Variants in ERG observed in about 807,000 individuals in gnomAD.
The protein encoded by ERG is ETS transcription factor ERG, also known as transcriptional regulator ERG.
Under a neutral mutation model 55.3 loss-of-function variants are expected in ERG, and 9 were observed. The ratio of observed to expected loss-of-function variants is 0.16; its 90% CI spans 0.10 to 0.28. ERG has a LOEUF of 0.28. ERG is among the 10% of genes least tolerant of loss of function. The pLI, the probability that ERG is intolerant of heterozygous loss-of-function variation, is 1.00. For missense variants in ERG, 434 were observed against 631.6 expected, an observed-to-expected ratio of 0.69 and a Z score of 3.35; for synonymous variants, 223 against 237.3, an observed-to-expected ratio of 0.94 and a Z score of 0.55.
chr21:38,638,790 A>G (rs956832271), intron 1 of ERG, among the ~76,000 whole-genome samples: 1 of 152,114 alleles, frequency 6.6e-6, no homozygotes, highest in Non-Finnish European at 1.5e-5. Flanking sequence ...GAGAAAGGGG[A>G]AATTCAAGTG....
chr21:38,571,739 C>A (rs1209595959), intron 2 of ERG, among the ~76,000 whole-genome samples: 6 of 152,084 alleles, frequency 3.9e-5, no homozygotes. Context: ...TCAACCACCC[C>A]TCCTTTTTTT....
At chr21:38,553,714 T>C (rs1601233440) in intron 2 of ERG, among the ~76,000 whole-genome samples, 1 of 152,232 alleles carries the variant, frequency 6.6e-6, no homozygotes, top group East Asian at 1.9e-4. Flanking sequence ...ATGTAAATCA[T>C]ACAACTATAA....
chr21:38,616,967 C>T (rs962400470), intron 1 of ERG, among the ~76,000 whole-genome samples: 17 of 152,286 alleles, frequency 1.1e-4, no homozygotes, highest in Admixed American at 7.2e-4. Context: ...CTCTTACCTA[C>T]AATTAATCTA....
intron 1 of ERG, among the ~76,000 whole-genome samples, chr21:38,659,072 T>C (rs985856686): frequency 1.3e-5 from 2 of 152,220 alleles, no homozygotes; most frequent in Non-Finnish European, 2.9e-5. Flanking sequence ...GAATTATAAG[T>C]GCTACTGGAA....
chr21:38,647,320 A>G (rs1368628565), intron 1 of ERG, among the ~76,000 whole-genome samples: 1 of 152,138 alleles, frequency 6.6e-6, no homozygotes, highest in Admixed American at 6.6e-5. Context: ...TTTTTTCCTA[A>G]ACAGAATACT....
intron 1 of ERG, among the ~76,000 whole-genome samples, chr21:38,605,698 G>A (rs780646781): frequency 5.3e-5 from 8 of 152,202 alleles, no homozygotes; most frequent in Non-Finnish European, 1.0e-4. Flanking sequence ...AGAGAAGCAG[G>A]AGAGCAAAGA....
chr21:38,573,988 G>A (rs2059979525), intron 2 of ERG, among the ~76,000 whole-genome samples: 1 of 152,136 alleles, frequency 6.6e-6, no homozygotes, highest in South Asian at 2.1e-4. Flanking sequence ...AGGTTTGTAT[G>A]GGATTGTTTC....
intron 1 of ERG, among the ~76,000 whole-genome samples, chr21:38,590,980 G>A (rs760203508): frequency 1.3e-5 from 2 of 152,216 alleles, no homozygotes; most frequent in Admixed American, 6.5e-5. Flanking sequence ...GTCCAGGGGT[G>A]AAAGGGGCAA....
At chr21:38,619,133 A>G (rs1367688819) in intron 1 of ERG, among the ~76,000 whole-genome samples, 1 of 152,052 alleles carries the variant, frequency 6.6e-6, no homozygotes, top group African/African-American at 2.4e-5. Context: ...TCAATGACAC[A>G]CTCTACCTGT....
At chr21:38,529,534 G>A (rs2059656821) in intron 2 of ERG, among the ~76,000 whole-genome samples, 1 of 152,340 alleles carries the variant, frequency 6.6e-6, no homozygotes, top group South Asian at 2.1e-4. Context: ...TAATGCTAGG[G>A]AAGGAGTAGC....
At chr21:38,654,444 C>T (rs777407912) in intron 1 of ERG, among the ~76,000 whole-genome samples, 2 of 152,212 alleles carry the variant, frequency 1.3e-5, no homozygotes, top group Non-Finnish European at 2.9e-5. Context: ...TGCACTCCAG[C>T]CTGGGCAACA....
At position 38,381,100 on chromosome 21, in the gene ERG, T is replaced by C. The variant is rs1987411558; in HGVS notation, c.*2303A>G. On this transcript the variant is annotated 3_prime_UTR_variant, in exon 10 of 10. Coordinates refer to ENST00000288319, the MANE Select transcript of ERG (RefSeq NM_182918.4). ...TCCGTCTAATCCAAATGACACGGGG[T>C]GTCAGGAGCATTGGTAATCGTGTCC... The C allele has an allele frequency of 1.9e-6, 2 of 1,064,796 alleles. No homozygotes were observed. Among genetic ancestry groups the C allele is most frequent in the Non-Finnish European group, 1.1e-6 (1 of 879,024 alleles). 66.0% of individuals were successfully genotyped at this position (1,064,796 alleles called of 1,614,324 possible).
intron 2 of ERG, among the ~76,000 whole-genome samples, chr21:38,515,683 A>G (rs981253173): frequency 6.6e-6 from 1 of 152,002 alleles, no homozygotes; most frequent in Non-Finnish European, 1.5e-5. Context: ...ATACAGGCCA[A>G]TATTTCTGGT....
intron 1 of ERG, among the ~76,000 whole-genome samples, chr21:38,468,982 C>CAAAACAAAAA (rs2059114927): frequency 3.4e-5 from 1 of 29,048 alleles, no homozygotes. Flanking sequence ...GACTCTGTCT[C>CAAAACAAAAA]AAAAAAAAAA....
At chr21:38,601,279 G>A (rs1478257830) in intron 1 of ERG, among the ~76,000 whole-genome samples, 3 of 152,092 alleles carry the variant, frequency 2.0e-5, no homozygotes, top group African/African-American at 7.2e-5. Flanking sequence ...CCAACTGAAG[G>A]CTCAGTTGTA....
At chr21:38,461,975 T>TTTTTTC (rs1394614484) in intron 1 of ERG, among the ~76,000 whole-genome samples, 3 of 151,926 alleles carry the variant, frequency 2.0e-5, no homozygotes, top group East Asian at 1.9e-4. Flanking sequence ...TGGCTAATTT[T>TTTTTTC]TTTTTCTTTT....
At chr21:38,557,169 A>T (rs932979124) in intron 2 of ERG, among the ~76,000 whole-genome samples, 14 of 152,222 alleles carry the variant, frequency 9.2e-5, no homozygotes, top group Non-Finnish European at 1.9e-4. Context: ...TGTGCCACTG[A>T]TATCATGGGT....
chr21:38,570,820 G>A (rs114103632), intron 2 of ERG, among the ~76,000 whole-genome samples: 3,031 of 152,194 alleles, frequency 0.02, 35 homozygotes, highest in African/African-American at 0.028. Flanking sequence ...CACAGCTGGC[G>A]ACCACGGAGC....
chr21:38,574,631 G>A (rs1015418380), intron 2 of ERG, among the ~76,000 whole-genome samples: 3 of 152,206 alleles, frequency 2.0e-5, no homozygotes, highest in Non-Finnish European at 4.4e-5. Flanking sequence ...ATGTGTAATT[G>A]TATGTGTGGG....
Sources: gnomAD v4.1 joint callset for allele counts (sites outside exome capture counted in the v4.1 genomes callset) on GRCh38, gnomAD v4.1.1 for gene constraint, MANE v1.5 for transcripts, NCBI Gene and HGNC (gene_info 2026-07-23, HGNC 2026-07-21) for gene names.